TMEM11: variants seen among roughly 807,000 people sequenced by gnomAD.
TMEM11 encodes the protein transmembrane protein 11.
In TMEM11, 1 loss-of-function variant was observed where a neutral mutation model predicts 17.0. The ratio of observed to expected loss-of-function variants is 0.06; its 90% CI spans 0.02 to 0.28. The LOEUF is 0.28. Ranked by LOEUF, TMEM11 falls within the 10% of genes least tolerant of loss-of-function variation. The pLI, the probability that TMEM11 is intolerant of heterozygous loss-of-function variation, is 1.00. For synonymous variants in TMEM11, 122 were observed against 118.1 expected (o/e 1.03, Z -0.21); for missense variants, 172 against 252.9 (o/e 0.68, Z 2.17).
chr17:21,198,204 TAAC>T lies in TMEM11; in HGVS notation c.*117_*119del. On this transcript the variant is annotated 3_prime_UTR_variant, in exon 2 of 2. Coordinates refer to ENST00000317635, the MANE Select transcript of TMEM11 (RefSeq NM_003876.3). This position sits in a 1 kb window ranked among gnomAD's most constrained non-coding sequence, Gnocchi z 6.5. Reference sequence around the variant, plus strand: ...CCCGTGATCTGTTATTTTTTAAAAATAACAAATACTAAGCCAAACACCTGCCCA... The same window carrying T: ...CCCGTGATCTGTTATTTTTTAAAAATAAATACTAAGCCAAACACCTGCCCA... 1.5e-6 allele frequency: 2 copies of T among 1,313,250 alleles called. No individual in the cohort carries two copies. The highest frequency in any genetic ancestry group is 2.1e-6 in the Non-Finnish European group (2 of 953,924). 81.3% of individuals were successfully genotyped at this position (1,313,250 alleles called of 1,614,324 possible). A position where few individuals can be genotyped will look rare whatever the true frequency, so the allele number is the denominator to read the frequency against.
intron 1 of TMEM11, among the ~76,000 whole-genome samples, chr17:21,208,894 A>G (rs1974973101): frequency 6.6e-6 from 1 of 152,260 alleles, no homozygotes; most frequent in Non-Finnish European, 1.5e-5. Flanking sequence ...AACTGGTACC[A>G]GAAAAGTCAA....
At chr17:21,211,314 C>T (rs566151254) in intron 1 of TMEM11, 6 of 977,452 alleles carry the variant, frequency 6.1e-6, no homozygotes, top group African/African-American at 5.0e-5. Context: ...TCGAAACCAG[C>T]ACTGTCCATA....
chr17:21,201,556 G>A (rs1338234487), intron 1 of TMEM11, among the ~76,000 whole-genome samples: 1 of 152,166 alleles, frequency 6.6e-6, no homozygotes, highest in Admixed American at 6.5e-5. Context: ...AGTTCTCGGT[G>A]GAGTTTTTCC....
intron 1 of TMEM11, among the ~76,000 whole-genome samples, chr17:21,212,315 AG>A (rs1975011404): frequency 6.6e-6 from 1 of 152,202 alleles, no homozygotes; most frequent in Non-Finnish European, 1.5e-5. Flanking sequence ...GAACACCTAC[AG>A]AGACCAAGCA....
chr17:21,204,924 ATGGGACCGCTCTC>A (rs1974926133), intron 1 of TMEM11, among the ~76,000 whole-genome samples: 1 of 152,060 alleles, frequency 6.6e-6, no homozygotes. Context: ...CAGACACTGA[ATGGGACCGCTCTC>A]TGCCGCCTCA....
Position 21,198,849 on chromosome 17 carries a change from G to A in TMEM11, c.63-9C>T. ...TGGCCGACAAGCTCACCCTTTTGATGGAGGGGGCAGGAAAGGGAGAGAGAG... is the reference window on the plus strand; with the variant it reads ...TGGCCGACAAGCTCACCCTTTTGATAGAGGGGGCAGGAAAGGGAGAGAGAG... On this transcript the variant is annotated splice_polypyrimidine_tract_variant and intron_variant, in intron 1 of 1. Transcript: ENST00000317635. The surrounding 1 kb of genome is among the most constrained non-coding windows in gnomAD (Gnocchi z 6.5). 1 of 1,602,138 alleles carries A rather than the reference G, an allele frequency of 6.2e-7. No individual in the cohort carries two copies. Among genetic ancestry groups the A allele is most frequent in the Non-Finnish European group, 8.5e-7 (1 of 1,172,788 alleles).
intron 1 of TMEM11, chr17:21,213,779 C>T: frequency 5.5e-6 from 2 of 366,222 alleles, no homozygotes; most frequent in East Asian, 5.2e-5. Flanking sequence ...GGCAGCTAGG[C>T]GGGTCCCTGA....
At position 21,198,190 on chromosome 17, in the gene TMEM11, T is replaced by A. The variant is rs1430306341; in HGVS notation, c.*134A>T. 1.7e-6 allele frequency: 2 copies of A among 1,205,776 alleles called. No homozygotes were observed. Among genetic ancestry groups the A allele is most frequent in the Non-Finnish European group, 2.3e-6 (2 of 861,168 alleles). The allele number at this position is 1,205,776 out of a possible 1,614,324, so 74.7% of individuals were successfully genotyped here. A position where few individuals can be genotyped will look rare whatever the true frequency, so the allele number is the denominator to read the frequency against. The stretch of plus-strand genomic sequence containing the variant: ...AAACCCTGGGTACACCCGTGATCTG[T>A]TATTTTTTAAAAATAACAAATACTA... On this transcript the variant is annotated 3_prime_UTR_variant, in exon 2 of 2. Transcript: ENST00000317635. The surrounding 1 kb of genome is among the most constrained non-coding windows in gnomAD (Gnocchi z 6.5).
intron 1 of TMEM11, among the ~76,000 whole-genome samples, chr17:21,199,194 A>G (rs1974854474): frequency 6.6e-6 from 1 of 151,870 alleles, no homozygotes; most frequent in Admixed American, 6.6e-5. Flanking sequence ...GTGGTGGCGC[A>G]TGCCTATAAT....
intron 1 of TMEM11, among the ~76,000 whole-genome samples, chr17:21,200,069 C>T (rs555908403): frequency 6.6e-6 from 1 of 152,332 alleles, no homozygotes; most frequent in South Asian, 2.1e-4. Context: ...GGATGCATGT[C>T]ATGACCCCAA....
rs1220953720 is a variant in TMEM11, at chr17:21,214,018, C to T, written c.62+73G>A. 6.9e-5 allele frequency: 98 copies of T among 1,415,748 alleles called. 2 individuals carry two copies. Among genetic ancestry groups the T allele is most frequent in the South Asian group, 2.1e-4 (17 of 79,524 alleles). 87.7% of individuals were successfully genotyped at this position (1,415,748 alleles called of 1,614,324 possible). A position where few individuals can be genotyped will look rare whatever the true frequency, so the allele number is the denominator to read the frequency against. Reference sequence around the variant, plus strand: ...AACCAGGGAAGGAAGGCTGCTGCAGCCCTCGGAGGCCGCGCTGGGCTCTCC... The same window carrying T: ...AACCAGGGAAGGAAGGCTGCTGCAGTCCTCGGAGGCCGCGCTGGGCTCTCC... On this transcript the variant is annotated intron_variant, in intron 1 of 1. Coordinates refer to ENST00000317635, the MANE Select transcript of TMEM11 (RefSeq NM_003876.3).
intron 1 of TMEM11, among the ~76,000 whole-genome samples, chr17:21,208,776 G>C (rs1974971801): frequency 6.6e-6 from 1 of 152,214 alleles, no homozygotes; most frequent in Admixed American, 6.5e-5. Flanking sequence ...CACTGGGCCT[G>C]AATGTAACAG....
At chr17:21,206,683 C>T (rs1285539671) in intron 1 of TMEM11, among the ~76,000 whole-genome samples, 9 of 152,100 alleles carry the variant, frequency 5.9e-5, no homozygotes, top group South Asian at 2.1e-4. Context: ...ATTACAGGCA[C>T]GTGCCACAAC....
intron 1 of TMEM11, among the ~76,000 whole-genome samples, chr17:21,202,162 C>T (rs943966523): frequency 6.6e-6 from 1 of 152,172 alleles, no homozygotes; most frequent in African/African-American, 2.4e-5. Flanking sequence ...GTCTCAAGTC[C>T]ATCAGGCAAC....
rs140899840 is a variant in TMEM11, at chr17:21,206,298, T to C, written c.63-7458A>G. Among the ~76,000 whole-genome samples the C allele has an allele frequency of 4.5e-3, 691 of 152,286 alleles. 3 individuals carry two copies. Among genetic ancestry groups the C allele is most frequent in the Middle Eastern group, 0.014 (4 of 292 alleles). The stretch of plus-strand genomic sequence containing the variant: ...GCGCAATGGCGCTATCTCGACTCAC[T>C]GCAACCTCCGCCTCCCGGGCTTAAG... On this transcript the variant is annotated intron_variant, in intron 1 of 1. Transcript: ENST00000317635.
In TMEM11 at chr17:21,211,328, T is replaced by C. The variant is rs372178308; in HGVS notation, c.62+2763A>G. 7.9e-5 allele frequency: 70 copies of C among 884,568 alleles called. No homozygotes were observed. The African/African-American group carries it at 1.0e-3, about 13-fold the overall frequency. The allele number at this position is 884,568 out of a possible 1,614,324, so 54.8% of individuals were successfully genotyped here. On this transcript the variant is annotated intron_variant, in intron 1 of 1. Coordinates refer to ENST00000317635, the MANE Select transcript of TMEM11 (RefSeq NM_003876.3). ...GTCGAAACCAGCACTGTCCATATCATAACTTTCTGCAGTGATGGAAATGTC... is the reference window on the plus strand; with the variant it reads ...GTCGAAACCAGCACTGTCCATATCACAACTTTCTGCAGTGATGGAAATGTC...
At chr17:21,214,042 C>G in intron 1 of TMEM11, 49 bp downstream of exon 1, 1 of 1,565,842 alleles carries the variant, frequency 6.4e-7, no homozygotes, top group Non-Finnish European at 8.7e-7. Context: ...GCTGGGCTCT[C>G]CGGCCGCTGA....
chr17:21,200,719 G>A (rs1836253281), intron 1 of TMEM11, among the ~76,000 whole-genome samples: 1 of 152,352 alleles, frequency 6.6e-6, no homozygotes, highest in Non-Finnish European at 1.5e-5. Flanking sequence ...GTGCCTGACA[G>A]GAACTAGCTT....
intron 1 of TMEM11, among the ~76,000 whole-genome samples, chr17:21,205,369 C>T (rs1234272678): frequency 2.6e-5 from 4 of 152,130 alleles, no homozygotes; most frequent in African/African-American, 4.8e-5. Flanking sequence ...CATTCTAAGG[C>T]GGCAGAGCTC....
Sources: allele counts gnomAD v4.1 joint callset (sites outside exome capture counted in the v4.1 genomes callset), GRCh38; gene constraint gnomAD v4.1.1; non-coding constraint Gnocchi (gnomAD v3.1); transcripts MANE v1.5; gene names NCBI Gene and HGNC (gene_info 2026-07-23, HGNC 2026-07-21).